PDE1A: variants seen among roughly 807,000 people sequenced by gnomAD.
The protein encoded by PDE1A is dual specificity calcium/calmodulin-dependent 3',5'-cyclic nucleotide phosphodiesterase 1A.
PDE1A carries 35 observed loss-of-function variants against 61.7 expected under a neutral mutation model. The ratio of observed to expected loss-of-function variants is 0.57; its 90% CI spans 0.43 to 0.75. PDE1A has a LOEUF of 0.75. Ranked by LOEUF, PDE1A falls within the 30% of genes least tolerant of loss-of-function variation. The pLI, the probability that PDE1A is intolerant of heterozygous loss-of-function variation, is 0.00. For synonymous variants in PDE1A, 232 were observed against 213.2 expected, an observed-to-expected ratio of 1.09 and a Z score of -0.77; for missense variants, 597 against 630.6, an observed-to-expected ratio of 0.95 and a Z score of 0.57.
At chr2:182,606,064 T>C in the PDE1A span, among the ~76,000 whole-genome samples, 1 of 152,346 alleles carries the variant, frequency 6.6e-6, no homozygotes, top group South Asian at 2.1e-4. Flanking sequence ...TAATGACATA[T>C]GACTTTATTA....
the PDE1A span, among the ~76,000 whole-genome samples, chr2:182,581,639 T>C: frequency 1.3e-5 from 2 of 152,146 alleles, no homozygotes. Flanking sequence ...AAATACCAGA[T>C]TGAGAAATCA....
At chr2:182,714,568 C>CT in the PDE1A span, among the ~76,000 whole-genome samples, 25 of 149,866 alleles carry the variant, frequency 1.7e-4, no homozygotes, top group African/African-American at 5.4e-4. Context: ...CCATCTCTTA[C>CT]TTTTTTTTTT....
At chr2:182,621,714 AT>A in the PDE1A span, among the ~76,000 whole-genome samples, 1 of 152,062 alleles carries the variant, frequency 6.6e-6, no homozygotes, top group Non-Finnish European at 1.5e-5. Context: ...CAAAATGTTT[AT>A]TGTTTTTTCT....
chr2:182,274,082 C>T (rs1693233076), intron 1 of PDE1A, among the ~76,000 whole-genome samples: 2 of 152,012 alleles, frequency 1.3e-5, no homozygotes, highest in Admixed American at 1.3e-4. Flanking sequence ...AAGGAGCAAA[C>T]CAGCCCTCTG....
intron 2 of PDE1A, among the ~76,000 whole-genome samples, chr2:182,467,807 C>T (rs1686769117): frequency 6.6e-6 from 1 of 151,892 alleles, no homozygotes. Flanking sequence ...CATAGATAGG[C>T]ATACCTCAGA....
chr2:182,180,925 T>G (rs1017087786), intron 13 of PDE1A, among the ~76,000 whole-genome samples: 7 of 151,958 alleles, frequency 4.6e-5, no homozygotes, highest in African/African-American at 1.7e-4. Flanking sequence ...TGCTGTGTTT[T>G]TCATCTCCAT....
chr2:182,703,628 TG>T, the PDE1A span, among the ~76,000 whole-genome samples: 1 of 152,204 alleles, frequency 6.6e-6, no homozygotes, highest in African/African-American at 2.4e-5. Flanking sequence ...TCACATAGCC[TG>T]GGATCTAATC....
chr2:182,679,222 C>T, the PDE1A span, among the ~76,000 whole-genome samples: 3 of 150,076 alleles, frequency 2.0e-5, no homozygotes, highest in African/African-American at 7.4e-5. Flanking sequence ...CTTACTCAGT[C>T]GCCCAGGCTG....
chr2:182,582,619 G>A, the PDE1A span, among the ~76,000 whole-genome samples: 18 of 152,184 alleles, frequency 1.2e-4, no homozygotes, highest in South Asian at 2.1e-4. Context: ...GGAACAGCTC[G>A]TACAATGATG....
At chr2:182,537,931 T>G in the PDE1A span, among the ~76,000 whole-genome samples, 1 of 152,234 alleles carries the variant, frequency 6.6e-6, no homozygotes, top group Non-Finnish European at 1.5e-5. Flanking sequence ...AACAAGAGAT[T>G]GAAGCTCTTC....
exon 4 of PDE1A, chr2:182,234,434 T>G (rs1157727238): frequency 6.3e-7 from 1 of 1,599,586 alleles, no homozygotes; most frequent in East Asian, 2.2e-5. Flanking sequence ...TATGTCACCT[T>G]TAATGTTACG....
intron 11 of PDE1A, 70 bp downstream of exon 11, chr2:182,188,909 A>G (rs1685463506): frequency 1.0e-6 from 1 of 995,906 alleles, no homozygotes; most frequent in African/African-American, 1.6e-5. Context: ...CCTTTGAACA[A>G]CATCGTTTAC....
At chr2:182,658,087 T>G in the PDE1A span, among the ~76,000 whole-genome samples, 17 of 139,158 alleles carry the variant, frequency 1.2e-4, no homozygotes, top group Non-Finnish European at 2.4e-4. Flanking sequence ...AAAACTTTTC[T>G]TCCTGCCTTT....
chr2:182,472,306 CT>C (rs2125810987), intron 2 of PDE1A, among the ~76,000 whole-genome samples: 1 of 151,912 alleles, frequency 6.6e-6, no homozygotes, highest in East Asian at 1.9e-4. Context: ...TGAAATCAAC[CT>C]AAGTGGCCAT....
chr2:182,147,379 T>C (rs2125263841), intron 13 of PDE1A, among the ~76,000 whole-genome samples: 1 of 152,326 alleles, frequency 6.6e-6, no homozygotes, highest in African/African-American at 2.4e-5. Context: ...AAGCTGTGAT[T>C]TAATATGAAA....
At chr2:182,305,598 C>A (rs893838410) in intron 1 of PDE1A, among the ~76,000 whole-genome samples, 9 of 151,912 alleles carry the variant, frequency 5.9e-5, no homozygotes, top group African/African-American at 2.2e-4. Flanking sequence ...ATCAGTAGCT[C>A]TATAAAGAGA....
intron 10 of PDE1A, among the ~76,000 whole-genome samples, chr2:182,189,363 C>G (rs772726079): frequency 6.6e-6 from 1 of 152,162 alleles, no homozygotes; most frequent in African/African-American, 2.4e-5. Flanking sequence ...TTTCCAAAGT[C>G]ACCATAAAAT....
At chr2:182,613,904 T>A in the PDE1A span, among the ~76,000 whole-genome samples, 1 of 152,202 alleles carries the variant, frequency 6.6e-6, no homozygotes, top group Non-Finnish European at 1.5e-5. Context: ...CATGCCACAC[T>A]CCTTTCAATG....
chr2:182,265,093 T>C lies in PDE1A; in HGVS notation c.54-679A>G, dbSNP rs1286355265. On this transcript the variant is annotated intron_variant, in intron 1 of 13. Transcript: ENST00000351439. ...GGCATCTGAATAATATAATGGACTT[T>C]GGGGACTCACAGAGGAAGAGTGGGA... Among the ~76,000 whole-genome samples the C allele has an allele frequency of 2.6e-5, 4 of 151,508 alleles. No individual in the cohort carries two copies. In the East Asian group the frequency reaches 7.8e-4, roughly 30 times the overall value.
Sources: gnomAD v4.1 joint callset for allele counts (sites outside exome capture counted in the v4.1 genomes callset) on GRCh38, gnomAD v4.1.1 for gene constraint, MANE v1.5 for transcripts, NCBI Gene and HGNC (gene_info 2026-07-23, HGNC 2026-07-21) for gene names.